Variants in ASTN1 observed in about 807,000 individuals in gnomAD.
ASTN1 encodes the protein astrotactin-1.
Under a neutral mutation model 140.7 loss-of-function variants are expected in ASTN1, and 41 were observed. The observed-to-expected ratio is 0.29, with a 90% confidence interval of 0.23 to 0.38. The LOEUF (loss-of-function observed/expected upper bound fraction) is 0.38. Among genes scored for constraint, ASTN1 ranks in the 10% least tolerant of loss-of-function variants. ASTN1 has a pLI of 1.00. For missense variants in ASTN1, 1,479 were observed against 1,678.8 expected (o/e 0.88, Z 2.08); for synonymous variants, 640 against 652.2 (o/e 0.98, Z 0.29).
At chr1:176,947,790 T>C (rs971815877) in intron 12 of ASTN1, among the ~76,000 whole-genome samples, 1 of 152,208 alleles carries the variant, frequency 6.6e-6, no homozygotes, top group South Asian at 2.1e-4. Flanking sequence ...TGTCCCACTG[T>C]AAACTCCTTT....
rs1668930329 is a variant in ASTN1, at chr1:176,884,225, G to T, written c.3226+114C>A. On this transcript the variant is annotated intron_variant, in intron 19 of 22. Transcript: ENST00000361833. ...GCTTCTTCTTCTCCCTGCTCCTCCT[G>T]CATTGCCCTGGGATACTGGGGACCT... The T allele has an allele frequency of 3.3e-6, 4 of 1,209,826 alleles. No individual in the cohort carries two copies. In the East Asian group the frequency reaches 9.7e-5, roughly 29 times the overall value. The allele number at this position is 1,209,826 out of a possible 1,614,324, so 74.9% of individuals were successfully genotyped here. A position where few individuals can be genotyped will look rare whatever the true frequency, so the allele number is the denominator to read the frequency against.
chr1:177,079,972 G>A (rs1385272698), intron 1 of ASTN1, among the ~76,000 whole-genome samples: 1 of 151,942 alleles, frequency 6.6e-6, no homozygotes, highest in Admixed American at 6.6e-5. Flanking sequence ...CTATCACTCT[G>A]TCCAGTATAT....
At chr1:177,066,291 T>C (rs1233513409) in intron 1 of ASTN1, among the ~76,000 whole-genome samples, 1 of 152,154 alleles carries the variant, frequency 6.6e-6, no homozygotes, top group Admixed American at 6.5e-5. Flanking sequence ...CTGGTACAGA[T>C]GCATGGTTTC....
chr1:176,980,570 A>T (rs1423842247), intron 8 of ASTN1, among the ~76,000 whole-genome samples: 9 of 152,052 alleles, frequency 5.9e-5, no homozygotes, highest in African/African-American at 2.2e-4. Flanking sequence ...AATAAAAGGG[A>T]CAGGGATTTC....
At chr1:176,922,443 G>A (rs1383576854) in intron 16 of ASTN1, among the ~76,000 whole-genome samples, 1 of 151,012 alleles carries the variant, frequency 6.6e-6, no homozygotes, top group Non-Finnish European at 1.5e-5. Flanking sequence ...TTATCAAAAA[G>A]CTTCCCCAGG....
In ASTN1 at chr1:177,011,680, GCA is replaced by G. The variant is rs761343211; in HGVS notation, c.1523+3109_1523+3110del. 4.7e-5 allele frequency among the ~76,000 whole-genome samples: 7 copies of G among 148,734 alleles called. No homozygotes were observed. In the South Asian group the frequency reaches 6.5e-4, roughly 14 times the overall value. On this transcript the variant is annotated intron_variant, in intron 8 of 22. Coordinates refer to ENST00000361833, the MANE Select transcript of ASTN1 (RefSeq NM_004319.3). ...ACACACACCACACACACACATGCAT[GCA>G]CACACACACATACACCACACACATG...
rs1354368492 is a variant in ASTN1 at position 177,164,452 on chromosome 1, C to A, written c.225G>T (p.Pro75=). The A allele has an allele frequency of 1.2e-6, 2 of 1,613,532 alleles. No individual in the cohort carries two copies. Among genetic ancestry groups the A allele is most frequent in the Non-Finnish European group, 1.7e-6 (2 of 1,179,780 alleles). Residue 75 remains proline, a synonymous_variant, in exon 1 of 23, where the codon CCG becomes CCT. Coordinates refer to ENST00000361833, the MANE Select transcript of ASTN1 (RefSeq NM_004319.3). ...GGTCGTCCACCACGACCATTTCTCC[C>A]GGGAAGTCGTTGCGCACCGAGAAGA... is the stretch of plus-strand genomic sequence containing the variant. ...KLLFSVRNDF[P]GEMVVVDDLE... is the part of the protein sequence containing the mutation.
chr1:176,938,438 T>C (rs955192488), intron 14 of ASTN1, among the ~76,000 whole-genome samples: 11 of 152,194 alleles, frequency 7.2e-5, no homozygotes, highest in African/African-American at 2.2e-4. Context: ...CCACCTTTAA[T>C]TGAATGATTT....
At chr1:176,958,988 C>T (rs1206853748) in intron 9 of ASTN1, among the ~76,000 whole-genome samples, 1 of 152,100 alleles carries the variant, frequency 6.6e-6, no homozygotes, top group Non-Finnish European at 1.5e-5. Flanking sequence ...CCAAGAGCCT[C>T]CAGGGAGGAG....
chr1:176,956,057 C>T, intron 11 of ASTN1, among the ~76,000 whole-genome samples: 1 of 152,142 alleles, frequency 6.6e-6, no homozygotes, highest in East Asian at 1.9e-4. Context: ...GAGCACATTG[C>T]TTAAGACATT....
intron 17 of ASTN1, 57 bp from the exon 18 acceptor site, chr1:176,888,261 G>A: frequency 6.3e-7 from 1 of 1,590,278 alleles, no homozygotes; most frequent in South Asian, 1.1e-5. Context: ...TAGGCCATCA[G>A]AATCAAGAGG....
chr1:176,910,323 C>T (rs975990590), intron 16 of ASTN1, among the ~76,000 whole-genome samples: 4 of 152,214 alleles, frequency 2.6e-5, no homozygotes, highest in Admixed American at 1.3e-4. Flanking sequence ...CTTGTGCTTC[C>T]GTCCTCAGTC....
chr1:177,087,866 CTGAG>C (rs1299183164), intron 1 of ASTN1, among the ~76,000 whole-genome samples: 1 of 152,190 alleles, frequency 6.6e-6, no homozygotes, highest in Non-Finnish European at 1.5e-5. Context: ...TTTCACCTCA[CTGAG>C]TGAAGTTCGG....
rs750684312 is a variant in ASTN1, at chr1:176,996,308, C to G, written c.1523+18483G>C. 5.0e-3 allele frequency among the ~76,000 whole-genome samples: 597 copies of G among 120,312 alleles called. 5 individuals are homozygous for G. The highest frequency in any genetic ancestry group is 0.025 in the South Asian group (98 of 3,976). 78.9% of individuals were successfully genotyped at this position (120,312 alleles called of 152,430 possible). On this transcript the variant is annotated intron_variant, in intron 8 of 22. Coordinates refer to ENST00000361833, the MANE Select transcript of ASTN1 (RefSeq NM_004319.3). ...TCTCTCTCACACACACACACACACA[C>G]ACAGAGAGAGAGAGAGAGACAGAGA...
intron 1 of ASTN1, among the ~76,000 whole-genome samples, chr1:177,078,657 G>A (rs1043655223): frequency 1.4e-4 from 22 of 152,110 alleles, no homozygotes; most frequent in African/African-American, 5.1e-4. Context: ...GTCTAGGTAC[G>A]GCCCTTTTTT....
At chr1:177,003,859 C>G (rs1674861479) in intron 8 of ASTN1, among the ~76,000 whole-genome samples, 1 of 151,460 alleles carries the variant, frequency 6.6e-6, no homozygotes, top group Non-Finnish European at 1.5e-5. Context: ...AAACCCACAA[C>G]CAACATCATA....
At chr1:177,032,990 T>A in intron 2 of ASTN1, 141 bp from the exon 3 acceptor site, 2 of 1,092,336 alleles carry the variant, frequency 1.8e-6, no homozygotes, top group Non-Finnish European at 2.5e-6. Flanking sequence ...ACAGCAAGCA[T>A]CATTCAGCAG....
intron 2 of ASTN1, among the ~76,000 whole-genome samples, chr1:177,057,276 C>T (rs1279004015): frequency 1.3e-5 from 2 of 152,144 alleles, no homozygotes; most frequent in Non-Finnish European, 2.9e-5. Context: ...TTTCTGCAAG[C>T]CCACAATTTT....
intron 7 of ASTN1, 36 bp downstream of exon 7, chr1:177,023,368 T>A (rs1675924444): frequency 6.5e-7 from 1 of 1,549,732 alleles, no homozygotes; most frequent in Non-Finnish European, 8.7e-7. Context: ...GCATGATCTC[T>A]CTGACAGTTA....
Sources: gnomAD v4.1 joint callset for allele counts (sites outside exome capture counted in the v4.1 genomes callset) on GRCh38, gnomAD v4.1.1 for gene constraint, MANE v1.5 for transcripts, NCBI Gene and HGNC (gene_info 2026-07-23, HGNC 2026-07-21) for gene names.